The following TBL1X variants were observed in gnomAD, a reference collection of about 807,000 sequenced individuals.
TBL1X encodes the protein transducin beta like 1 X-linked.
TBL1X carries 10 observed loss-of-function variants against 50.7 expected under a neutral mutation model. The ratio of observed to expected loss-of-function variants is 0.20; its 90% CI spans 0.12 to 0.33. The LOEUF is 0.33. Ranked by LOEUF, TBL1X falls within the 10% of genes least tolerant of loss-of-function variation. TBL1X has a pLI of 1.00. For missense variants in TBL1X, 340 were observed against 504.4 expected, an observed-to-expected ratio of 0.67 and a Z score of 3.12; for synonymous variants, 190 against 214.7, an observed-to-expected ratio of 0.88 and a Z score of 1.01.
At chrX:9,706,855 C>T (rs1478351993) in intron 13 of TBL1X, among the ~76,000 whole-genome samples, 8 of 111,355 alleles carry the variant, frequency 7.2e-5, no homozygotes, top group Admixed American at 1.9e-4. Flanking sequence ...TGCTCCCTGC[C>T]TTAGACCCCC....
Position 9,718,962 on chromosome X carries a change from T to G in TBL1X, c.*2716T>G, listed in dbSNP as rs1028924190. 1 of 112,206 alleles carries G rather than the reference T, an allele frequency of 8.9e-6. No individual in the cohort carries two copies. Among genetic ancestry groups the G allele is most frequent in the Non-Finnish European group, 1.9e-5 (1 of 53,249 alleles). 9.2% of individuals were successfully genotyped at this position (112,206 alleles called of 1,213,427 possible). ...ACCATGGACAGCCGTTTTCAGAGCC[T>G]CCAGCATTTGCACACCACTACTCAC... On this transcript the variant is annotated 3_prime_UTR_variant, in exon 18 of 18. Coordinates refer to ENST00000645353, the MANE Select transcript of TBL1X (RefSeq NM_005647.4).
chrX:9,510,202 C>A (rs759970058), intron 2 of TBL1X, among the ~76,000 whole-genome samples: 2 of 111,357 alleles, frequency 1.8e-5, no homozygotes, highest in South Asian at 7.6e-4. Flanking sequence ...CAGGACAGCC[C>A]CCCACAAATT....
chrX:9,684,560 C>G (rs1224882867), intron 6 of TBL1X, among the ~76,000 whole-genome samples: 1 of 89,208 alleles, frequency 1.1e-5, no homozygotes, highest in East Asian at 3.7e-4. Context: ...CCAGTACACT[C>G]CAGCCTGGGC....
chrX:9,588,101 TA>T (rs1378752031), intron 2 of TBL1X, among the ~76,000 whole-genome samples: 4 of 111,937 alleles, frequency 3.6e-5, no homozygotes, highest in Admixed American at 9.5e-5. Context: ...AATGCAACAA[TA>T]AAAAAATACA....
intron 5 of TBL1X, among the ~76,000 whole-genome samples, chrX:9,667,450 TTTC>T (rs1176757413): frequency 1.8e-5 from 2 of 112,041 alleles, no homozygotes; most frequent in African/African-American, 6.5e-5. Flanking sequence ...GAATAATGGT[TTTC>T]TTAGGAAATT....
At chrX:9,535,825 G>A (rs756729362) in intron 2 of TBL1X, among the ~76,000 whole-genome samples, 7 of 112,151 alleles carry the variant, frequency 6.2e-5, no homozygotes, top group East Asian at 5.6e-4. Context: ...GTGTGCATAC[G>A]AGGAACAGAG....
At chrX:9,500,654 G>A (rs1404966278) in intron 1 of TBL1X, among the ~76,000 whole-genome samples, 1 of 111,903 alleles carries the variant, frequency 8.9e-6, no homozygotes. Context: ...ATTGTGGTGG[G>A]TGCCCCTCCT....
intron 2 of TBL1X, among the ~76,000 whole-genome samples, chrX:9,576,179 G>C (rs765134511): frequency 6.2e-5 from 7 of 112,309 alleles, no homozygotes; most frequent in East Asian, 2.8e-4. Flanking sequence ...GAGGTGATGG[G>C]TTGGGGTTAG....
chrX:9,569,221 C>T (rs1274695837), intron 2 of TBL1X, among the ~76,000 whole-genome samples: 1 of 92,297 alleles, frequency 1.1e-5, no homozygotes, highest in Non-Finnish European at 2.1e-5. Context: ...GATGTGCTGT[C>T]TTTGTGGTGT....
intron 3 of TBL1X, among the ~76,000 whole-genome samples, chrX:9,647,880 G>A (rs2082813234): frequency 1.8e-5 from 2 of 111,765 alleles, no homozygotes; most frequent in South Asian, 7.5e-4. Flanking sequence ...TGACCTTTCA[G>A]GTCTCTCTTG....
At chrX:9,594,965 A>G (rs963582633) in intron 2 of TBL1X, among the ~76,000 whole-genome samples, 5 of 111,773 alleles carry the variant, frequency 4.5e-5, no homozygotes, top group African/African-American at 1.6e-4. Context: ...ATAACCTCTC[A>G]AGTAGCGATC....
intron 5 of TBL1X, among the ~76,000 whole-genome samples, chrX:9,667,079 T>C (rs1484527154): frequency 1.8e-5 from 2 of 111,353 alleles, no homozygotes; most frequent in African/African-American, 6.5e-5. Context: ...CTGGCTAACA[T>C]GGTGAAACCT....
chrX:9,677,486 C>T (rs1035944489), intron 5 of TBL1X, among the ~76,000 whole-genome samples: 4 of 109,808 alleles, frequency 3.6e-5, no homozygotes, highest in Non-Finnish European at 7.6e-5. Context: ...CTTTTGCAGG[C>T]GTGCCAAAAT....
At chrX:9,634,435 TATTA>T (rs1181965131) in intron 2 of TBL1X, among the ~76,000 whole-genome samples, 1 of 111,676 alleles carries the variant, frequency 9.0e-6, no homozygotes, top group African/African-American at 3.3e-5. Flanking sequence ...TATTTAAAAT[TATTA>T]ATTAGATTAT....
chrX:9,694,118 G>A (rs761231128), intron 11 of TBL1X, among the ~76,000 whole-genome samples: 6 of 110,581 alleles, frequency 5.4e-5, no homozygotes, highest in East Asian at 2.9e-4. Context: ...CTTGTCCAGC[G>A]ACAAGGCTGG....
intron 1 of TBL1X, among the ~76,000 whole-genome samples, chrX:9,469,051 C>A (rs2081795720): frequency 9.0e-6 from 1 of 111,027 alleles, no homozygotes; most frequent in South Asian, 3.8e-4. Context: ...AACTCCTGGG[C>A]TCCAGTGATC....
At chrX:9,642,190 A>G (rs1051687480) in intron 3 of TBL1X, among the ~76,000 whole-genome samples, 1 of 111,656 alleles carries the variant, frequency 9.0e-6, no homozygotes, top group African/African-American at 3.3e-5. Flanking sequence ...TCCAGCACAC[A>G]TTGGATTTCT....
chrX:9,666,341 TTCTG>T (rs1241814730), intron 5 of TBL1X, among the ~76,000 whole-genome samples: 1 of 111,379 alleles, frequency 9.0e-6, no homozygotes, highest in East Asian at 2.8e-4. Context: ...CCGGATCCCC[TTCTG>T]TCTGTGTATT....
chrX:9,691,493 A>AAAATGTTTCT, intron 7 of TBL1X, 86 bp from the exon 8 acceptor site: 1 of 1,043,618 alleles, frequency 9.6e-7, no homozygotes, highest in East Asian at 3.1e-5. Flanking sequence ...GTACATAAAA[A>AAAATGTTTCT]AAATGTTTCT....
Sources: gnomAD v4.1 joint callset for allele counts (sites outside exome capture counted in the v4.1 genomes callset) on GRCh38, gnomAD v4.1.1 for gene constraint, MANE v1.5 for transcripts, NCBI Gene and HGNC (gene_info 2026-07-23, HGNC 2026-07-21) for gene names.